BRD9: variants seen among roughly 807,000 people sequenced by gnomAD.
BRD9 encodes bromodomain-containing protein 9.
Under a neutral mutation model 68.7 loss-of-function variants are expected in BRD9, and 47 were observed. The observed-to-expected ratio is 0.68, with a 90% CI of 0.54 to 0.87. The LOEUF (loss-of-function observed/expected upper bound fraction) is 0.87. Ranked by LOEUF, BRD9 falls within the 40% of genes least tolerant of loss-of-function variation. BRD9 has a pLI of 0.00. For synonymous variants in BRD9, 313 were observed against 293.9 expected (o/e 1.06, Z -0.67); for missense variants, 670 against 748.4 (o/e 0.90, Z 1.22).
At chr5:864,669 C>T (rs1749076016) in intron 15 of BRD9, 101 bp from the exon 16 acceptor site, 2 of 970,710 alleles carry the variant, frequency 2.1e-6, no homozygotes, top group South Asian at 1.5e-5. Flanking sequence ...ACCGCCAGGG[C>T]TCAGGGACTC....
chr5:889,820 G>A lies in BRD9; in HGVS notation c.401-173C>T, dbSNP rs537910273. ...GCCTTGGCTCCCACCAAGCTCAGCC[G>A]GGTAGAAAGGGCACCCCCACAGCAG... On this transcript the variant is annotated intron_variant, in intron 3 of 15. Transcript: ENST00000467963. The A allele has an allele frequency of 2.5e-4, 348 of 1,383,642 alleles. 1 individual carries two copies. Among genetic ancestry groups the A allele is most frequent in the South Asian group, 2.3e-3 (186 of 81,388 alleles). The allele number at this position is 1,383,642 out of a possible 1,614,324, so 85.7% of individuals were successfully genotyped here. A position where few individuals can be genotyped will look rare whatever the true frequency, so the allele number is the denominator to read the frequency against.
chr5:870,810 G>A (rs1430527847), intron 13 of BRD9, among the ~76,000 whole-genome samples: 2 of 152,172 alleles, frequency 1.3e-5, no homozygotes, highest in Non-Finnish European at 2.9e-5. Context: ...GACCAACAAC[G>A]CAAACTAACA....
At chr5:871,603 G>T in intron 12 of BRD9, 39 bp from the exon 13 acceptor site, 1 of 1,590,732 alleles carries the variant, frequency 6.3e-7, no homozygotes, top group South Asian at 1.1e-5. Context: ...TTTTTCCAGA[G>T]TGATTTCATA....
intron 14 of BRD9, 172 bp downstream of exon 14, chr5:870,301 A>C (rs1326103989): frequency 1.7e-6 from 1 of 597,204 alleles, no homozygotes; most frequent in Non-Finnish European, 3.0e-6. Flanking sequence ...GGAGATTCCA[A>C]GGATTTTAGG....
chr5:867,241 C>T lies in BRD9; in HGVS notation c.1526-1660G>A, dbSNP rs565264901. Among the ~76,000 whole-genome samples the T allele has an allele frequency of 3.9e-5, 6 of 152,350 alleles. No homozygotes were observed. The East Asian group carries it at 9.6e-4, about 24-fold the overall frequency. ...AAGAGCTGAGGTTTGGCAGCCTCCA[C>T]CTAGATTTCAGAGGATGTATGGAAA... On this transcript the variant is annotated intron_variant, in intron 14 of 15. Coordinates refer to ENST00000467963, the MANE Select transcript of BRD9 (RefSeq NM_023924.5).
At position 884,068 on chromosome 5, in the gene BRD9, C is replaced by A; in HGVS notation, c.836G>T (p.Cys279Phe). 6.2e-7 allele frequency: 1 copy of A among 1,613,050 alleles called. No homozygotes were observed. The highest frequency in any genetic ancestry group is 8.5e-7 in the Non-Finnish European group (1 of 1,179,860). Reference protein sequence around the residue: ...SKKPSREVISCMFEPEGNACS... With the variant: ...SKKPSREVISFMFEPEGNACS... ...GGCATTCCCTTCAGGCTCAAACATG[C>A]AGCTGTGAGGTGGGGACAACCAAGT... is the stretch of plus-strand genomic sequence containing the variant. The change falls in exon 8 of 16, where the codon TGC becomes TTC. Residue 279 changes from cysteine to phenylalanine, a missense_variant and splice_region_variant. Transcript: ENST00000467963.
chr5:886,513 C>A, intron 7 of BRD9, 79 bp downstream of exon 7: 1 of 1,328,158 alleles, frequency 7.5e-7, no homozygotes, highest in Non-Finnish European at 1.1e-6. Flanking sequence ...CACTCACTCA[C>A]TCTCCCCTAC....
intron 14 of BRD9, chr5:869,161 G>A (rs927316113): frequency 7.0e-5 from 25 of 355,724 alleles, no homozygotes; most frequent in East Asian, 7.9e-5. Context: ...TGGACTGAAC[G>A]GATTCCCACT....
rs576668684 is a variant in BRD9 at position 867,201 on chromosome 5, G to A, written c.1526-1620C>T. On this transcript the variant is annotated intron_variant, in intron 14 of 15. Coordinates refer to ENST00000467963, the MANE Select transcript of BRD9 (RefSeq NM_023924.5). ...AGCTTCCACATGGTGTTGGGTATGT[G>A]GGTAGGCAGAAGGCAAGAGCTGAGG... Among the ~76,000 whole-genome samples the A allele has an allele frequency of 7.2e-5, 11 of 152,352 alleles. No homozygotes were observed. In the South Asian group the frequency reaches 1.5e-3, roughly 20 times the overall value.
At chr5:864,715 GA>G in intron 15 of BRD9, 147 bp from the exon 16 acceptor site, 1 of 648,402 alleles carries the variant, frequency 1.5e-6, no homozygotes, top group South Asian at 1.9e-5. Context: ...CCCTGCCAAG[GA>G]GAGCTGTGTG....
intron 15 of BRD9, 147 bp from the exon 16 acceptor site, chr5:864,715 G>T: frequency 1.5e-6 from 1 of 648,402 alleles, no homozygotes. Context: ...CCCTGCCAAG[G>T]AGAGCTGTGT....
intron 9 of BRD9, among the ~76,000 whole-genome samples, chr5:880,596 C>A (rs1205771139): frequency 6.6e-6 from 1 of 152,152 alleles, no homozygotes; most frequent in African/African-American, 2.4e-5. Flanking sequence ...CCCAAGTGAT[C>A]ACACTTTCGT....
chr5:869,378 G>A (rs749016601), intron 14 of BRD9: 27 of 455,718 alleles, frequency 5.9e-5, no homozygotes, highest in Admixed American at 9.4e-5. Flanking sequence ...ACAGCATCAC[G>A]TGATAGATGG....
Position 886,606 on chromosome 5 carries a change from A to C in BRD9, c.819T>G (p.Ser273Arg), listed in dbSNP as rs1752603550. 1.2e-6 allele frequency: 2 copies of C among 1,613,746 alleles called. No individual in the cohort carries two copies. Among genetic ancestry groups the C allele is most frequent in the Admixed American group, 3.3e-5 (2 of 59,978 alleles). The change falls in exon 7 of 16, where the codon AGT (serine) becomes AGG (arginine). Residue 273 changes from serine to arginine, a missense_variant. Ser to Arg is a moderately radical substitution (Grantham distance 110). This residue lies in a region of BRD9 where 135 missense variants were observed against 141.2 expected (regional missense o/e 0.96). Transcript: ENST00000467963. ...AGAACCTTTACCTGATAACTTCTCTACTCGGCTTTTTGGATTTCTTGGCAG... is the reference window on the plus strand; with the variant it reads ...AGAACCTTTACCTGATAACTTCTCTCCTCGGCTTTTTGGATTTCTTGGCAG... ...VETAKKSKKP[S>R]REVISCMFEP...
intron 7 of BRD9, 64 bp downstream of exon 7, chr5:886,528 C>T (rs1038307742): frequency 9.6e-6 from 14 of 1,458,484 alleles, no homozygotes; most frequent in South Asian, 2.5e-5. Flanking sequence ...CCCTACAAGG[C>T]ACCTGCTTTC....
intron 6 of BRD9, 118 bp from the exon 7 acceptor site, chr5:886,825 C>T (rs771477097): frequency 2.5e-5 from 38 of 1,547,752 alleles, no homozygotes; most frequent in Middle Eastern, 4.2e-4. Flanking sequence ...GCCAGGGTGC[C>T]GTGACGATGG....
intron 7 of BRD9, among the ~76,000 whole-genome samples, chr5:885,717 TGG>T (rs1752454895): frequency 6.6e-6 from 1 of 152,218 alleles, no homozygotes. Context: ...CTGCGCTCTC[TGG>T]GGCCTGCACT....
chr5:874,425 T>C (rs146122837), intron 12 of BRD9, among the ~76,000 whole-genome samples: 9 of 152,372 alleles, frequency 5.9e-5, no homozygotes, highest in South Asian at 2.1e-4. Context: ...AGATCTAGTT[T>C]GTAGCTCACA....
chr5:883,464 G>A, intron 8 of BRD9: 1 of 456,646 alleles, frequency 2.2e-6, no homozygotes, highest in South Asian at 1.6e-5. Flanking sequence ...CCAGAAAGGA[G>A]AGCGTGGTCA....
Sources: gnomAD v4.1 joint callset for allele counts (sites outside exome capture counted in the v4.1 genomes callset) on GRCh38, gnomAD v4.1.1 for gene constraint, gnomAD v4.1.1 regional missense constraint, MANE v1.5 for transcripts, NCBI Gene and HGNC (gene_info 2026-07-23, HGNC 2026-07-21) for gene names.